CDK15: variants seen among roughly 807,000 people sequenced by gnomAD.
CDK15 encodes cyclin dependent kinase 15, also known as cyclin-dependent kinase 15.
A neutral mutation model predicts 60.3 loss-of-function variants in CDK15; 62 were observed. The observed-to-expected ratio is 1.03, with a 90% CI of 0.84 to 1.27. The LOEUF (loss-of-function observed/expected upper bound fraction) is 1.27. CDK15 is among the 50% of genes most tolerant of loss of function. CDK15 has a pLI of 0.00. For missense variants in CDK15, 541 were observed against 527.8 expected (o/e 1.03, Z -0.25); for synonymous variants, 194 against 195.7 (o/e 0.99, Z 0.07).
chr2:201,826,959 A>T (rs1696536361), intron 6 of CDK15, among the ~76,000 whole-genome samples: 1 of 152,246 alleles, frequency 6.6e-6, no homozygotes, highest in South Asian at 2.1e-4. Context: ...GAGAGGACAA[A>T]CATTTTGCCT....
intron 12 of CDK15, among the ~76,000 whole-genome samples, chr2:201,887,282 ATC>A (rs1169192972): frequency 6.6e-6 from 1 of 152,228 alleles, no homozygotes; most frequent in African/African-American, 2.4e-5. Flanking sequence ...ATTATAAAGT[ATC>A]TCTGAAAATT....
chr2:201,873,474 T>C (rs1001647381), intron 11 of CDK15, among the ~76,000 whole-genome samples: 1 of 152,184 alleles, frequency 6.6e-6, no homozygotes, highest in Non-Finnish European at 1.5e-5. Flanking sequence ...CACTATCAGC[T>C]TCCAAAGTAA....
intron 1 of CDK15, 90 bp downstream of exon 1, chr2:201,806,877 G>A: frequency 2.0e-6 from 3 of 1,471,172 alleles, no homozygotes; most frequent in Non-Finnish European, 2.8e-6. Flanking sequence ...TGATTCTTCT[G>A]CGGTAGGTCT....
intron 10 of CDK15, among the ~76,000 whole-genome samples, chr2:201,866,784 A>T (rs1229228363): frequency 6.6e-6 from 1 of 152,202 alleles, no homozygotes; most frequent in Admixed American, 6.5e-5. Flanking sequence ...CTACTGGGAA[A>T]AATCAATGGG....
At chr2:201,840,835 C>T (rs1697343646) in intron 8 of CDK15, among the ~76,000 whole-genome samples, 1 of 152,076 alleles carries the variant, frequency 6.6e-6, no homozygotes, top group African/African-American at 2.4e-5. Context: ...TATGATTATG[C>T]AGTTTTCTCT....
At chr2:201,892,707 T>A (rs1298967875) in intron 13 of CDK15, among the ~76,000 whole-genome samples, 1 of 152,222 alleles carries the variant, frequency 6.6e-6, no homozygotes, top group African/African-American at 2.4e-5. Context: ...TGGCTTGGGA[T>A]CAGCAAAATC....
rs377636974 is a variant in CDK15 at position 201,879,647 on chromosome 2, G to A, written c.1059-381G>A. Among the ~76,000 whole-genome samples the A allele has an allele frequency of 2.0e-5, 3 of 152,088 alleles. No individual in the cohort carries two copies. The East Asian group carries it at 5.8e-4, about 29-fold the overall frequency. ...TGCCTACCTCAGCCTCTCAGAGTTC[G>A]ATCGTATTTTGAATCAGGCCTTTCT... is the stretch of plus-strand genomic sequence containing the variant. On this transcript the variant is annotated intron_variant, in intron 11 of 13. Coordinates refer to ENST00000652192, the MANE Select transcript of CDK15 (RefSeq NM_001366386.2).
At position 201,813,457 on chromosome 2, in the gene CDK15, A is replaced by T. The variant is rs1405778142; in HGVS notation, c.448+895A>T. Among the ~76,000 whole-genome samples, 6 of 152,352 alleles carry T rather than the reference A, an allele frequency of 3.9e-5. 1 individual carries two copies. The highest frequency in any genetic ancestry group is 3.9e-4 in the Admixed American group (6 of 15,306). ...TTCAGCAAAATCCCAGAGAAATGGCACTTCCCTGGCCTTATTTTCTCCCAC... is the reference window on the plus strand; with the variant it reads ...TTCAGCAAAATCCCAGAGAAATGGCTCTTCCCTGGCCTTATTTTCTCCCAC... On this transcript the variant is annotated intron_variant, in intron 4 of 13. Transcript: ENST00000652192.
chr2:201,837,628 C>T (rs925406429), intron 8 of CDK15, among the ~76,000 whole-genome samples: 7 of 152,040 alleles, frequency 4.6e-5, no homozygotes, highest in African/African-American at 1.4e-4. Context: ...CATCCTAGAA[C>T]GGCAGTGTTA....
intron 4 of CDK15, among the ~76,000 whole-genome samples, chr2:201,820,068 A>C (rs1696153642): frequency 6.6e-6 from 1 of 152,230 alleles, no homozygotes; most frequent in Non-Finnish European, 1.5e-5. Flanking sequence ...AGTTTTAGTA[A>C]TATAGTTAGG....
At chr2:201,881,052 C>A (rs770968566) in intron 12 of CDK15, among the ~76,000 whole-genome samples, 1 of 151,820 alleles carries the variant, frequency 6.6e-6, no homozygotes, top group Non-Finnish European at 1.5e-5. Context: ...GCTGGAACTG[C>A]GATGAGGACA....
chr2:201,846,354 A>G (rs1697662424), intron 8 of CDK15, among the ~76,000 whole-genome samples: 1 of 152,040 alleles, frequency 6.6e-6, no homozygotes, highest in African/African-American at 2.4e-5. Context: ...TTAGCCAGGC[A>G]TGGTGGCAGG....
chr2:201,891,623 C>T (rs1244491869), intron 13 of CDK15, among the ~76,000 whole-genome samples: 1 of 152,062 alleles, frequency 6.6e-6, no homozygotes, highest in Non-Finnish European at 1.5e-5. Flanking sequence ...CCCACCATAC[C>T]CTTAAATGAG....
intron 6 of CDK15, among the ~76,000 whole-genome samples, chr2:201,829,262 C>A (rs545410511): frequency 6.6e-6 from 1 of 152,278 alleles, no homozygotes; most frequent in Non-Finnish European, 1.5e-5. Flanking sequence ...CCTACTCACA[C>A]AGAAAACTTC....
At chr2:201,826,508 T>G (rs1696511653) in intron 6 of CDK15, among the ~76,000 whole-genome samples, 1 of 147,982 alleles carries the variant, frequency 6.8e-6, no homozygotes, top group Admixed American at 6.7e-5. Flanking sequence ...ACACTGCATT[T>G]CAACAGTCTA....
At chr2:201,874,619 C>CA (rs1406098481) in intron 11 of CDK15, among the ~76,000 whole-genome samples, 1 of 152,106 alleles carries the variant, frequency 6.6e-6, no homozygotes, top group Non-Finnish European at 1.5e-5. Context: ...GCCGAAGTGT[C>CA]ACTGGCTTTT....
rs1226602687 is a variant in CDK15, at chr2:201,807,579, G to A, written c.209G>A (p.Ser70Asn). Reference sequence around the variant, plus strand: ...GCTGCCCGTGCCCAGAAGTTCAAGAGTAAAAGGCCACGGAGTAACAGTGAT... The same window carrying A: ...GCTGCCCGTGCCCAGAAGTTCAAGAATAAAAGGCCACGGAGTAACAGTGAT... The part of the protein sequence containing the change: ...LQAARAQKFK[S>N]KRPRSNSDCF... The change falls in exon 2 of 14, where the codon AGT becomes AAT. Residue 70 changes from serine (S) to asparagine (N), a missense_variant. Physicochemically the swap from Ser to Asn is conservative, Grantham distance 46. Coordinates refer to ENST00000652192, the MANE Select transcript of CDK15 (RefSeq NM_001366386.2). 1.2e-6 allele frequency: 2 copies of A among 1,614,072 alleles called. No homozygotes were observed. Among genetic ancestry groups the A allele is most frequent in the Non-Finnish European group, 1.7e-6 (2 of 1,180,036 alleles).
chr2:201,862,284 T>C (rs1559140120), intron 10 of CDK15, among the ~76,000 whole-genome samples: 1 of 152,214 alleles, frequency 6.6e-6, no homozygotes, highest in African/African-American at 2.4e-5. Flanking sequence ...ACAACATTAG[T>C]GTTACCATTG....
At chr2:201,879,915 T>C (rs1699213977) in intron 11 of CDK15, 113 bp from the exon 12 acceptor site, 2 of 1,373,456 alleles carry the variant, frequency 1.5e-6, no homozygotes, top group Non-Finnish European at 1.9e-6. Flanking sequence ...AGGAAAATTC[T>C]ACTTAAAATC....
Sources: gnomAD v4.1 joint callset for allele counts (sites outside exome capture counted in the v4.1 genomes callset) on GRCh38, gnomAD v4.1.1 for gene constraint, MANE v1.5 for transcripts, NCBI Gene and HGNC (gene_info 2026-07-23, HGNC 2026-07-21) for gene names.